MEP1A: variants seen among roughly 807,000 people sequenced by gnomAD.
The protein encoded by MEP1A is meprin A subunit alpha, also known as N-benzoyl-L-tyrosyl-P-amino-benzoic acid hydrolase subunit alpha.
Under a neutral mutation model 84.5 loss-of-function variants are expected in MEP1A, and 68 were observed. The observed-to-expected ratio is 0.80, with a 90% confidence interval of 0.66 to 0.98. The LOEUF is 0.98. Among genes scored for constraint, MEP1A ranks in the 50% least tolerant of loss-of-function variants. MEP1A has a pLI of 0.00. For missense variants in MEP1A, 887 were observed against 919.9 expected (o/e 0.96, Z 0.46); for synonymous variants, 337 against 336.8 (o/e 1.00, Z -0.01).
chr6:46,815,350 C>T (rs1767610178), intron 6 of MEP1A, among the ~76,000 whole-genome samples: 1 of 152,150 alleles, frequency 6.6e-6, no homozygotes, highest in Non-Finnish European at 1.5e-5. Context: ...CTGAGTCATA[C>T]AGGTTGCCAA....
chr6:46,842,817 C>T (rs544595190), downstream of MEP1A, among the ~76,000 whole-genome samples: 384 of 152,242 alleles, frequency 2.5e-3, 2 homozygotes, highest in African/African-American at 8.7e-3. Flanking sequence ...GATGTTACCC[C>T]CAGAGGCCCA....
At chr6:46,841,467 G>A (rs1201733050), downstream of MEP1A, among the ~76,000 whole-genome samples, 4 of 152,168 alleles carry the variant, frequency 2.6e-5, no homozygotes, top group Non-Finnish European at 5.9e-5. Context: ...TGTTGGGATG[G>A]TGATGGCAGA....
intron 10 of MEP1A, 95 bp downstream of exon 10, chr6:46,829,666 T>A (rs1490241992): frequency 2.3e-6 from 2 of 866,284 alleles, no homozygotes; most frequent in African/African-American, 1.7e-5. Flanking sequence ...TCCTCCTTCT[T>A]CTCTCTCCTC....
At chr6:46,813,248 C>T (rs886114614) in intron 6 of MEP1A, among the ~76,000 whole-genome samples, 8 of 152,000 alleles carry the variant, frequency 5.3e-5, no homozygotes, top group East Asian at 1.9e-4. Flanking sequence ...CATGCAAATA[C>T]GTGGAAATTA....
intron 13 of MEP1A, among the ~76,000 whole-genome samples, chr6:46,837,023 G>A (rs532515583): frequency 5.3e-5 from 8 of 152,132 alleles, no homozygotes; most frequent in South Asian, 2.1e-4. Context: ...TAATTAATAC[G>A]TATATTGGGA....
chr6:46,823,250 A>G (rs905275595), intron 7 of MEP1A, among the ~76,000 whole-genome samples: 2 of 152,170 alleles, frequency 1.3e-5, no homozygotes, highest in Admixed American at 1.3e-4. Context: ...TGGCCACACC[A>G]CACTTCTGCA....
At chr6:46,803,147 G>T (rs1055733148) in intron 5 of MEP1A, among the ~76,000 whole-genome samples, 6 of 151,520 alleles carry the variant, frequency 4.0e-5, no homozygotes, top group South Asian at 4.2e-4. Flanking sequence ...AAATTTGTTT[G>T]TTGGTAAAAT....
chr6:46,841,111 T>C (rs1050416560), downstream of MEP1A, among the ~76,000 whole-genome samples: 4 of 152,226 alleles, frequency 2.6e-5, no homozygotes, highest in African/African-American at 9.7e-5. Context: ...TACATGAGTT[T>C]CTCTCTGGAG....
At chr6:46,826,309 G>A (rs1387242039) in intron 8 of MEP1A, 45 bp from the exon 9 acceptor site, 2 of 1,537,322 alleles carry the variant, frequency 1.3e-6, no homozygotes, top group South Asian at 1.3e-5. Context: ...TATTTGGAAT[G>A]ACTATCTTTC....
intron 10 of MEP1A, among the ~76,000 whole-genome samples, chr6:46,830,681 T>C (rs142546150): frequency 1.3e-5 from 2 of 152,160 alleles, no homozygotes; most frequent in African/African-American, 4.8e-5. Context: ...AATTATTTTT[T>C]ATATATCTGC....
intron 10 of MEP1A, among the ~76,000 whole-genome samples, chr6:46,831,452 C>T (rs956712008): frequency 2.0e-5 from 3 of 152,152 alleles, no homozygotes; most frequent in South Asian, 4.1e-4. Context: ...TTATAGAAGA[C>T]AATTCTGAAC....
At position 46,809,552 on chromosome 6, in the gene MEP1A, T is replaced by G. The variant is rs765387667; in HGVS notation, c.380+15T>G. ...CAGTTTGATGGGTTGGTATGAAATT[T>G]TACGGAGTGAAAATCATGCATACTT... On this transcript the variant is annotated intron_variant, in intron 6 of 13. Transcript: ENST00000230588. 1 of 1,535,148 alleles carries G rather than the reference T, an allele frequency of 6.5e-7. No individual in the cohort carries two copies. Among genetic ancestry groups the G allele is most frequent in the Non-Finnish European group, 9.0e-7 (1 of 1,115,046 alleles).
intron 7 of MEP1A, among the ~76,000 whole-genome samples, chr6:46,824,012 CCT>C (rs1478284052): frequency 5.9e-5 from 9 of 152,178 alleles, no homozygotes; most frequent in Admixed American, 3.3e-4. Flanking sequence ...GGCAGGATCC[CCT>C]GTCTTGCTTT....
At chr6:46,826,701 C>A (rs953588190) in intron 9 of MEP1A, among the ~76,000 whole-genome samples, 198 bp downstream of exon 9, 1 of 152,190 alleles carries the variant, frequency 6.6e-6, no homozygotes, top group Non-Finnish European at 1.5e-5. Flanking sequence ...AAGAAAGATG[C>A]ATTTAAGCAA....
Position 46,829,516 on chromosome 6 carries a change from G to A in MEP1A, c.1089G>A (p.Arg363=), listed in dbSNP as rs772110699. 1.9e-6 allele frequency: 3 copies of A among 1,614,086 alleles called. No individual in the cohort carries two copies. Among genetic ancestry groups the A allele is most frequent in the Admixed American group, 3.3e-5 (2 of 60,006 alleles). Residue 363 remains arginine (R), a synonymous_variant, in exon 10 of 14, where the codon AGG becomes AGA. Coordinates refer to ENST00000230588, the MANE Select transcript of MEP1A (RefSeq NM_005588.3). ...SPSDRLVVWV[R]RDDSTGNVRK... ...CAGACAGACTCGTTGTCTGGGTCAG[G>A]AGGGATGACAGCACAGGCAATGTTC...
In MEP1A at chr6:46,833,530, C is replaced by T; in HGVS notation, c.1601C>T (p.Thr534Ile). The change falls in exon 11 of 14, where the codon ACA becomes ATA. Residue 534 changes from threonine to isoleucine, a missense_variant. Transcript: ENST00000230588. ...GTGTTCACTACCTCGAAGTCGCACA[C>T]ATCTCCAGGTGGGTGGTGTCAGCGC... ...SMVFTTSKSH[T>I]SPAINDTVIW... 6.2e-7 allele frequency: 1 copy of T among 1,613,216 alleles called. No homozygotes were observed.
chr6:46,828,428 C>T (rs553071452), intron 9 of MEP1A, among the ~76,000 whole-genome samples: 1 of 152,270 alleles, frequency 6.6e-6, no homozygotes, highest in African/African-American at 2.4e-5. Context: ...ATGAAAGGCA[C>T]GTGCCTCAGT....
chr6:46,807,831 GAAA>G (rs1562107149), intron 5 of MEP1A, among the ~76,000 whole-genome samples: 20 of 140,540 alleles, frequency 1.4e-4, no homozygotes, highest in Middle Eastern at 3.4e-3. Flanking sequence ...AAGAAAGAAA[GAAA>G]GAAAGGAAGA....
intron 5 of MEP1A, among the ~76,000 whole-genome samples, chr6:46,800,539 G>C (rs1767176194): frequency 1.3e-5 from 2 of 152,126 alleles, no homozygotes; most frequent in Non-Finnish European, 2.9e-5. Flanking sequence ...ACTGACATAA[G>C]ATAAAGGTAT....
Sources: allele counts gnomAD v4.1 joint callset (sites outside exome capture counted in the v4.1 genomes callset), GRCh38; gene constraint gnomAD v4.1.1; transcripts MANE v1.5; gene names NCBI Gene and HGNC (gene_info 2026-07-23, HGNC 2026-07-21).